The following STOX2 variants were observed in gnomAD, a reference collection of about 807,000 sequenced individuals.
STOX2 encodes storkhead box 2.
Under a neutral mutation model 60.9 loss-of-function variants are expected in STOX2, and 28 were observed. The observed-to-expected ratio is 0.46, with a 90% CI of 0.34 to 0.63. The LOEUF is 0.63. Among genes scored for constraint, STOX2 ranks in the 30% least tolerant of loss-of-function variants. The pLI, the probability that STOX2 is intolerant of heterozygous loss-of-function variation, is 0.01. For missense variants in STOX2, 1,024 were observed against 1,187.7 expected, an observed-to-expected ratio of 0.86 and a Z score of 2.03; for synonymous variants, 472 against 463.9, an observed-to-expected ratio of 1.02 and a Z score of -0.22.
chr4:184,006,107 T>C (rs917386622), intron 2 of STOX2, among the ~76,000 whole-genome samples: 8 of 152,246 alleles, frequency 5.3e-5, no homozygotes, highest in Admixed American at 3.3e-4. Flanking sequence ...GATCATCATT[T>C]GGAAGGCCTA....
chr4:183,948,484 G>T (rs1325433755), intron 1 of STOX2, among the ~76,000 whole-genome samples: 3 of 5,930 alleles, frequency 5.1e-4, no homozygotes, highest in Non-Finnish European at 1.4e-3. Context: ...TGCTCTTGGG[G>T]CTCTTTCTCT....
chr4:183,951,214 C>CAA (rs1467966638), intron 1 of STOX2, among the ~76,000 whole-genome samples: 14 of 88,316 alleles, frequency 1.6e-4, no homozygotes, highest in African/African-American at 5.8e-4. Flanking sequence ...GACTCCGTCT[C>CAA]AAAAAAAAAG....
intron 1 of STOX2, among the ~76,000 whole-genome samples, chr4:183,812,686 T>TA (rs896182815): frequency 6.6e-5 from 10 of 152,026 alleles, no homozygotes; most frequent in African/African-American, 1.7e-4. Context: ...TGTGATCTAA[T>TA]AAAAAAAATG....
At chr4:183,936,506 C>G (rs947442596) in intron 1 of STOX2, among the ~76,000 whole-genome samples, 2 of 147,068 alleles carry the variant, frequency 1.4e-5, no homozygotes, top group African/African-American at 5.0e-5. Context: ...TTTTTTTTCT[C>G]TATACCAAAG....
In STOX2 at chr4:184,010,111, A is replaced by G. The variant is rs1345447520; in HGVS notation, c.1273A>G (p.Ser425Gly). The change falls in exon 3 of 4, where the codon AGC becomes GGC. Residue 425 changes from serine (S) to glycine (G), a missense_variant. Transcript: ENST00000308497. The surrounding 1 kb of genome is among the most constrained non-coding windows in gnomAD (Gnocchi z 4.5). ...EHKGDNFIMHSNTNVLESHFP... is the reference protein window; with the variant it reads ...EHKGDNFIMHGNTNVLESHFP... ...CAAAGGAGATAACTTCATCATGCAC[A>G]GCAACACAAACGTGCTCGAGTCCCA... The G allele has an allele frequency of 6.3e-7, 1 of 1,594,412 alleles. No individual in the cohort carries two copies. Among genetic ancestry groups the G allele is most frequent in the African/African-American group, 1.3e-5 (1 of 74,550 alleles).
intron 1 of STOX2, among the ~76,000 whole-genome samples, chr4:183,931,065 T>C (rs377718273): frequency 4.1e-4 from 62 of 152,256 alleles, no homozygotes; most frequent in African/African-American, 1.2e-3. Flanking sequence ...GCCTAGCTTG[T>C]TGAGTAATTT....
chr4:183,835,025 C>T (rs1363783966), intron 1 of STOX2, among the ~76,000 whole-genome samples: 2 of 151,798 alleles, frequency 1.3e-5, no homozygotes, highest in Non-Finnish European at 2.9e-5. Context: ...AATACAGTGT[C>T]GTGGAGAGGA....
At chr4:183,949,778 T>G (rs1743014350) in intron 1 of STOX2, among the ~76,000 whole-genome samples, 1 of 152,238 alleles carries the variant, frequency 6.6e-6, no homozygotes, top group Non-Finnish European at 1.5e-5. Context: ...TTTATATTTT[T>G]AGATCATATT....
Position 184,001,280 on chromosome 4 carries a change from CG to C in STOX2, c.167-42del, listed in dbSNP as rs777405808. On this transcript the variant is annotated intron_variant, in intron 1 of 3. Transcript: ENST00000308497. The surrounding 1 kb of genome is among the most constrained non-coding windows in gnomAD (Gnocchi z 4.2). ...TGAAGGCGTGTGTCTGACAGATGAC[CG>C]GGTCTTTTAATGAACCACTCACTTG... 1.7e-5 allele frequency: 27 copies of C among 1,600,434 alleles called. No homozygotes were observed. The African/African-American group carries it at 3.2e-4, about 19-fold the overall frequency.
At chr4:183,834,955 T>C (rs1279232691) in intron 1 of STOX2, among the ~76,000 whole-genome samples, 1 of 152,052 alleles carries the variant, frequency 6.6e-6, no homozygotes, top group East Asian at 1.9e-4. Flanking sequence ...GAATTTCCGA[T>C]GTTGGGGCTG....
At position 183,897,230 on chromosome 4, in the gene STOX2, C is replaced by T. The variant is rs191636890; in HGVS notation, c.364+99175C>T. On this transcript the variant is annotated intron_variant, in intron 1 of 2. Coordinates refer to the STOX2 transcript ENST00000513034. The stretch of plus-strand genomic sequence containing the variant: ...ACTCAAATCAACTATTGTTTCATTC[C>T]GAAGCTTCTTGGTTTTCATGGGAGA... Among the ~76,000 whole-genome samples, 29 of 152,258 alleles carry T rather than the reference C, an allele frequency of 1.9e-4. No homozygotes were observed. In the East Asian group the frequency reaches 4.0e-3, roughly 21 times the overall value.
At chr4:183,860,498 A>G (rs1740412974) in intron 1 of STOX2, among the ~76,000 whole-genome samples, 1 of 151,896 alleles carries the variant, frequency 6.6e-6, no homozygotes, top group Non-Finnish European at 1.5e-5. Context: ...GAGTTGACAC[A>G]TTGCTTGAAT....
chr4:183,948,611 A>C (rs2111140702), intron 1 of STOX2, among the ~76,000 whole-genome samples: 1 of 132,122 alleles, frequency 7.6e-6, no homozygotes, highest in Middle Eastern at 6.4e-3. Flanking sequence ...GGCTCACTGC[A>C]ACCTCTGCCT....
In STOX2 at chr4:183,906,925, G is replaced by T; in HGVS notation, c.135G>T (p.Ala45=). The T allele has an allele frequency of 6.5e-7, 1 of 1,549,144 alleles. No homozygotes were observed. The highest frequency in any genetic ancestry group is 8.7e-7 in the Non-Finnish European group (1 of 1,145,476). The change falls in exon 1 of 4, where the codon GCG becomes GCT. Residue 45 remains alanine, a synonymous_variant. Transcript: ENST00000308497. Reference sequence around the variant, plus strand: ...ACAAGCGTTTCCCCGCGGCCTTCGCGCCCCAGGCTTCGCGGGGCTACATGA... The same window carrying T: ...ACAAGCGTTTCCCCGCGGCCTTCGCTCCCCAGGCTTCGCGGGGCTACATGA... The part of the protein sequence containing the change: ...RLHKRFPAAF[A]PQASRGYMTS...
chr4:183,903,719 A>C (rs1433333785), upstream of STOX2, among the ~76,000 whole-genome samples: 1 of 152,190 alleles, frequency 6.6e-6, no homozygotes, highest in Non-Finnish European at 1.5e-5. Flanking sequence ...GAGATATCTA[A>C]ATGTCAGTTC....
rs533182449 is a variant in STOX2, at chr4:183,949,572, C to T, written c.166+42616C>T. On this transcript the variant is annotated intron_variant, in intron 1 of 3. Coordinates refer to ENST00000308497, the MANE Select transcript of STOX2 (RefSeq NM_020225.3). Reference sequence around the variant, plus strand: ...AATTAGCTGGGCGTGGTGGCAGGTGCCTGTAATCCCAGCTACTCAGGAGGC... The same window carrying T: ...AATTAGCTGGGCGTGGTGGCAGGTGTCTGTAATCCCAGCTACTCAGGAGGC... 5.3e-5 allele frequency among the ~76,000 whole-genome samples: 8 copies of T among 152,194 alleles called. No homozygotes were observed. The South Asian group carries it at 1.7e-3, about 32-fold the overall frequency.
intron 1 of STOX2, among the ~76,000 whole-genome samples, chr4:183,962,472 G>C (rs1350690173): frequency 1.3e-5 from 2 of 152,100 alleles, no homozygotes; most frequent in Non-Finnish European, 2.9e-5. Flanking sequence ...AGATTAAGTA[G>C]AAGTGAAAGG....
chr4:183,993,817 C>G (rs1733213551), intron 1 of STOX2, among the ~76,000 whole-genome samples: 1 of 152,194 alleles, frequency 6.6e-6, no homozygotes, highest in African/African-American at 2.4e-5. Flanking sequence ...GAATAGTCAT[C>G]TGGTTTCAAA....
intron 1 of STOX2, among the ~76,000 whole-genome samples, chr4:183,893,437 G>A (rs548288538): frequency 6.6e-5 from 10 of 152,128 alleles, no homozygotes; most frequent in African/African-American, 2.4e-4. Flanking sequence ...GGACGAAGCC[G>A]GTGGTCTCTT....
Sources: allele counts gnomAD v4.1 joint callset (sites outside exome capture counted in the v4.1 genomes callset), GRCh38; gene constraint gnomAD v4.1.1; non-coding constraint Gnocchi (gnomAD v3.1); transcripts MANE v1.5; gene names NCBI Gene and HGNC (gene_info 2026-07-23, HGNC 2026-07-21).